The following KMT2C variants were observed in gnomAD, a reference collection of about 807,000 sequenced individuals.
KMT2C encodes lysine methyltransferase 2C.
KMT2C carries 88 observed loss-of-function variants against 507.9 expected under a neutral mutation model. The observed-to-expected ratio is 0.17, with a 90% CI of 0.15 to 0.21. The LOEUF is 0.21. Among genes scored for constraint, KMT2C ranks in the 10% least tolerant of loss-of-function variants. The pLI, the probability that KMT2C is intolerant of heterozygous loss-of-function variation, is 1.00. For missense variants in KMT2C, 4,954 were observed against 5,957.8 expected, an observed-to-expected ratio of 0.83 and a Z score of 5.55; for synonymous variants, 2,049 against 2,080.8, an observed-to-expected ratio of 0.98 and a Z score of 0.42.
intron 14 of KMT2C, among the ~76,000 whole-genome samples, chr7:152,246,437 C>A (rs1010237505): frequency 2.0e-5 from 3 of 152,118 alleles, no homozygotes; most frequent in East Asian, 1.9e-4. Context: ...TGGAAATACA[C>A]CCCCCTCCCC....
At chr7:152,151,112 TTTATC>T in intron 50 of KMT2C, 105 bp from the exon 51 acceptor site, 1 of 694,950 alleles carries the variant, frequency 1.4e-6, no homozygotes, top group Admixed American at 2.9e-5. Context: ...ACAGTGGTTC[TTTATC>T]TTAATAGTAG....
At position 152,183,052 on chromosome 7, in the gene KMT2C, A is replaced by G. The variant is rs367790848; in HGVS notation, c.5187T>C (p.Ser1729=). 2.0e-5 allele frequency: 32 copies of G among 1,612,736 alleles called. No individual in the cohort carries two copies. Among genetic ancestry groups the G allele is most frequent in the Admixed American group, 5.0e-5 (3 of 59,844 alleles). ...QQQQDSIDPS[S]RIDSELFKDP... ...CTTTAAAAAGCTCCGAATCAATACG[A>G]GAGCTGGGATCAATGCTATCTTGCT... Residue 1729 remains serine, a synonymous_variant, in exon 35 of 59, where the codon TCT becomes TCC. Coordinates refer to ENST00000262189, the MANE Select transcript of KMT2C (RefSeq NM_170606.3).
In KMT2C at chr7:152,248,288, C is replaced by T. The variant is rs370267189; in HGVS notation, c.2146G>A (p.Val716Ile). 1 of 1,613,848 alleles carries T rather than the reference C, an allele frequency of 6.2e-7. No individual in the cohort carries two copies. The highest frequency in any genetic ancestry group is 8.5e-7 in the Non-Finnish European group (1 of 1,179,768). ...TTTTCTCCTTGTAGCCTTTCTATAA[C>T]CAACTGTTCCTCAGGACATAATGAA... ...SISLCPEEQL[V>I]IERLQGEKEQ... Residue 716 changes from valine (V) to isoleucine (I), a missense_variant, in exon 14 of 59, where the codon GTT becomes ATT. Physicochemically the swap from Val to Ile is conservative, Grantham distance 29. Around this residue, in one of 29 missense-constraint regions of KMT2C, gnomAD observed 376 missense variants for 352.4 expected, o/e 1.07. Coordinates refer to ENST00000262189, the MANE Select transcript of KMT2C (RefSeq NM_170606.3).
intron 23 of KMT2C, among the ~76,000 whole-genome samples, chr7:152,212,137 T>C (rs1460187458): frequency 1.3e-5 from 2 of 152,124 alleles, no homozygotes; most frequent in African/African-American, 4.8e-5. Flanking sequence ...ATCACCCAAA[T>C]ATGAGAAATT....
intron 6 of KMT2C, among the ~76,000 whole-genome samples, chr7:152,284,903 T>C (rs1402099450): frequency 6.6e-6 from 1 of 152,212 alleles, no homozygotes; most frequent in Non-Finnish European, 1.5e-5. Flanking sequence ...TTAGAAACAG[T>C]GGCAATATCC....
At chr7:152,390,846 T>C (rs1168217922) in intron 1 of KMT2C, among the ~76,000 whole-genome samples, 1 of 152,084 alleles carries the variant, frequency 6.6e-6, no homozygotes, top group Non-Finnish European at 1.5e-5. Flanking sequence ...GTCACTATTC[T>C]CAAAAAACTT....
chr7:152,242,171 G>A (rs1301874485), intron 14 of KMT2C, among the ~76,000 whole-genome samples: 2 of 152,246 alleles, frequency 1.3e-5, no homozygotes, highest in South Asian at 4.1e-4. Context: ...TCCAGTTGCA[G>A]CACTTTTTAC....
rs1273522714 is a variant in KMT2C, at chr7:152,313,429, T to G, written c.591-1483A>C. Among the ~76,000 whole-genome samples the G allele has an allele frequency of 2.0e-5, 3 of 152,092 alleles. No homozygotes were observed. In the South Asian group the frequency reaches 6.2e-4, roughly 32 times the overall value. ...GTTTTGAGACTGGTTTGTATGTATA[T>G]ACCATATCAGTAAGATATCAATGTC... On this transcript the variant is annotated intron_variant, in intron 4 of 58. Coordinates refer to ENST00000262189, the MANE Select transcript of KMT2C (RefSeq NM_170606.3).
At chr7:152,392,000 G>A (rs1415720157) in intron 1 of KMT2C, among the ~76,000 whole-genome samples, 1 of 150,366 alleles carries the variant, frequency 6.7e-6, no homozygotes, top group African/African-American at 2.5e-5. Context: ...GTAGTCCTGT[G>A]CTTATCCATA....
chr7:152,164,522 C>A (rs530441004), intron 42 of KMT2C, among the ~76,000 whole-genome samples: 2 of 152,118 alleles, frequency 1.3e-5, no homozygotes, highest in South Asian at 4.2e-4. Flanking sequence ...ATCTCCTGAC[C>A]TCGTGATCCG....
chr7:152,374,077 C>A (rs1208329591), intron 1 of KMT2C, among the ~76,000 whole-genome samples: 1 of 152,052 alleles, frequency 6.6e-6, no homozygotes, highest in Non-Finnish European at 1.5e-5. Flanking sequence ...CTTTGGGAGG[C>A]CAAAGCGGGC....
intron 14 of KMT2C, among the ~76,000 whole-genome samples, chr7:152,247,140 T>C (rs1563563265): frequency 6.6e-6 from 1 of 152,192 alleles, no homozygotes; most frequent in South Asian, 2.1e-4. Flanking sequence ...CTATTTGTTA[T>C]CTTGCAATTT....
At chr7:152,173,695 G>A (rs527718536) in intron 39 of KMT2C, among the ~76,000 whole-genome samples, 159 of 152,168 alleles carry the variant, frequency 1.0e-3, no homozygotes, top group African/African-American at 3.6e-3. Flanking sequence ...TCTATTCCTT[G>A]TAACTTTCTT....
intron 51 of KMT2C, among the ~76,000 whole-genome samples, chr7:152,149,439 C>T (rs186571188): frequency 6.6e-6 from 1 of 152,314 alleles, no homozygotes; most frequent in African/African-American, 2.4e-5. Flanking sequence ...CTTTCTGGGA[C>T]AATCCCCTTT....
intron 12 of KMT2C, 84 bp from the exon 13 acceptor site, chr7:152,250,037 T>G: frequency 2.6e-6 from 2 of 758,302 alleles, no homozygotes; most frequent in Non-Finnish European, 4.6e-6. Context: ...AGTAAAGAGT[T>G]TTATTCTACT....
At position 152,156,306 on chromosome 7, in the gene KMT2C, A is replaced by C. The variant is rs770636289; in HGVS notation, c.11711T>G (p.Leu3904Arg). Residue 3904 changes from leucine (L) to arginine (R), a missense_variant, in exon 45 of 59, where the codon CTT becomes CGT. By Grantham distance (102) the Leu-to-Arg change is moderately radical (BLOSUM62 -2). This residue lies in a region of KMT2C where 104 missense variants were observed against 134.3 expected (regional missense o/e 0.77). Transcript: ENST00000262189. ...AGCCATAGGAGGTGGTGTAGGAGGA[A>C]GAGAGGCAGGGGGTGTTGGAGGATT... is the stretch of plus-strand genomic sequence containing the variant. ...LSNPPTPPAS[L>R]PPTPPPMACQ... 6.2e-7 allele frequency: 1 copy of C among 1,614,030 alleles called. No homozygotes were observed. Among genetic ancestry groups the C allele is most frequent in the Admixed American group, 1.7e-5 (1 of 60,012 alleles).
Position 152,149,042 on chromosome 7 carries a change from G to T in KMT2C, c.12885C>A (p.Leu4295=). 1 of 1,534,432 alleles carries T rather than the reference G, an allele frequency of 6.5e-7. No homozygotes were observed. Among genetic ancestry groups the T allele is most frequent in the Non-Finnish European group, 8.7e-7 (1 of 1,145,490 alleles). Residue 4295 remains leucine, a synonymous_variant, in exon 52 of 59, where the codon CTC becomes CTA. Coordinates refer to ENST00000262189, the MANE Select transcript of KMT2C (RefSeq NM_170606.3). Reference sequence around the variant, plus strand: ...AGGCAGGGGGAGAAGCTTTCTCTGGGAGCTGGGGGAGACAGTGCACATCCA... The same window carrying T: ...AGGCAGGGGGAGAAGCTTTCTCTGGTAGCTGGGGGAGACAGTGCACATCCA... The part of the protein sequence containing the change: ...STLDVHCLPQ[L]PEKASPPASP...
intron 1 of KMT2C, among the ~76,000 whole-genome samples, chr7:152,431,839 A>C (rs2097865000): frequency 6.6e-6 from 1 of 152,222 alleles, no homozygotes; most frequent in Non-Finnish European, 1.5e-5. Context: ...AATTTGCATT[A>C]TCTCAAAAAG....
Position 152,177,169 on chromosome 7 carries a change from G to A in KMT2C, c.8284C>T (p.Pro2762Ser), listed in dbSNP as rs2129114333. Residue 2762 changes from proline to serine, a missense_variant, in exon 38 of 59, where the codon CCA becomes TCA. Around this residue, in one of 29 missense-constraint regions of KMT2C, gnomAD observed 1,689 missense variants for 1,654.3 expected, o/e 1.02. Coordinates refer to ENST00000262189, the MANE Select transcript of KMT2C (RefSeq NM_170606.3). ...TTCTTATCTCCCATGTCAAGTTCTG[G>A]ATCTGTATATGCAATGATATCAAAC... is the stretch of plus-strand genomic sequence containing the variant. ...GEFDIIAYTD[P>S]ELDMGDKKSM... 6.2e-7 allele frequency: 1 copy of A among 1,613,798 alleles called. No homozygotes were observed. Among genetic ancestry groups the A allele is most frequent in the Non-Finnish European group, 8.5e-7 (1 of 1,179,970 alleles).
Sources: allele counts gnomAD v4.1 joint callset (sites outside exome capture counted in the v4.1 genomes callset), GRCh38; gene constraint gnomAD v4.1.1; regional missense constraint gnomAD v4.1.1; transcripts MANE v1.5; gene names NCBI Gene and HGNC (gene_info 2026-07-23, HGNC 2026-07-21).